The following COBLL1 variants were observed in gnomAD, a reference collection of about 807,000 sequenced individuals.
The protein encoded by COBLL1 is cordon-bleu protein-like 1.
COBLL1 carries 50 observed loss-of-function variants against 94.8 expected under a neutral mutation model. The observed-to-expected ratio is 0.53, with a 90% confidence interval of 0.42 to 0.67. The LOEUF is 0.67. Among genes scored for constraint, COBLL1 ranks in the 30% least tolerant of loss-of-function variants. COBLL1 has a pLI of 0.00. For synonymous variants in COBLL1, 448 were observed against 473.8 expected (o/e 0.95, Z 0.71); for missense variants, 1,362 against 1,348.7 (o/e 1.01, Z -0.15).
chr2:164,716,328 A>G (rs1685169959), intron 7 of COBLL1, among the ~76,000 whole-genome samples: 1 of 152,206 alleles, frequency 6.6e-6, no homozygotes, highest in Non-Finnish European at 1.5e-5. Flanking sequence ...ATGATCTATT[A>G]TATGTCTTGT....
intron 1 of COBLL1, among the ~76,000 whole-genome samples, chr2:164,672,192 C>T (rs147352979): frequency 6.6e-6 from 1 of 152,262 alleles, no homozygotes; most frequent in African/African-American, 2.4e-5. Flanking sequence ...GCTATTTTTG[C>T]ACTTTCCCTC....
At chr2:164,658,512 C>T (rs905003155) in intron 2 of COBLL1, among the ~76,000 whole-genome samples, 2 of 152,122 alleles carry the variant, frequency 1.3e-5, no homozygotes, top group Non-Finnish European at 2.9e-5. Flanking sequence ...AAGAGACAAA[C>T]TTAACAAGGA....
chr2:164,754,462 G>A (rs1037599056), intron 2 of COBLL1, among the ~76,000 whole-genome samples: 1 of 152,164 alleles, frequency 6.6e-6, no homozygotes, highest in African/African-American at 2.4e-5. Context: ...TGCCCTATGG[G>A]GAGTCCCATG....
At chr2:164,722,950 T>C (rs1685532927) in intron 5 of COBLL1, 1 of 152,520 alleles carries the variant, frequency 6.6e-6, no homozygotes, top group South Asian at 2.1e-4. Context: ...TGAAATATCT[T>C]ATTCTACAAA....
At chr2:164,780,978 G>A (rs570286360) in intron 2 of COBLL1, among the ~76,000 whole-genome samples, 6 of 152,244 alleles carry the variant, frequency 3.9e-5, no homozygotes, top group African/African-American at 7.2e-5. Flanking sequence ...TCTCCTGGGC[G>A]TTTCCTTATA....
chr2:164,835,228 C>T (rs888588259), intron 2 of COBLL1, among the ~76,000 whole-genome samples: 1 of 152,150 alleles, frequency 6.6e-6, no homozygotes, highest in Admixed American at 6.5e-5. Context: ...ATGTTCATAG[C>T]AACAGCACTA....
At chr2:164,667,041 T>A (rs1379811823) in intron 1 of COBLL1, among the ~76,000 whole-genome samples, 1 of 152,160 alleles carries the variant, frequency 6.6e-6, no homozygotes, top group Admixed American at 6.5e-5. Context: ...AGAATAACTA[T>A]GTAAGGTATA....
Position 164,695,066 on chromosome 2 carries a change from T to C in COBLL1, c.2326A>G (p.Thr776Ala). Residue 776 changes from threonine (T) to alanine (A), a missense_variant, in exon 12 of 14, where the codon ACT becomes GCT. Thr to Ala is a moderately conservative substitution (Grantham distance 58, BLOSUM62 0). Coordinates refer to ENST00000652658, the MANE Select transcript of COBLL1 (RefSeq NM_001365672.2). ...KKHTHENVKE[T>A]AIQTEDSAIS... ...GCAGAATCTTCTGTTTGGATGGCAG[T>C]TTCTTTCACATTCTCATGAGTGTGC... 6.2e-7 allele frequency: 1 copy of C among 1,613,880 alleles called. No homozygotes were observed. The highest frequency in any genetic ancestry group is 8.5e-7 in the Non-Finnish European group (1 of 1,179,934).
intron 2 of COBLL1, among the ~76,000 whole-genome samples, chr2:164,756,497 G>A (rs770286309): frequency 4.0e-5 from 6 of 151,896 alleles, no homozygotes; most frequent in African/African-American, 1.5e-4. Context: ...TTAAAAAATG[G>A]CAAAATATAT....
chr2:164,740,337 T>C (rs1331146587), intron 3 of COBLL1, among the ~76,000 whole-genome samples: 1 of 152,124 alleles, frequency 6.6e-6, no homozygotes, highest in Non-Finnish European at 1.5e-5. Flanking sequence ...CACTCCAGCC[T>C]GTGTGACTGA....
In COBLL1 at chr2:164,841,723, G is replaced by A. The variant is rs757236919; in HGVS notation, c.-64C>T. 19 of 506,798 alleles carry A rather than the reference G, an allele frequency of 3.7e-5. No homozygotes were observed. The highest frequency in any genetic ancestry group is 5.9e-5 in the Non-Finnish European group (17 of 289,182). The allele number at this position is 506,798 out of a possible 1,614,324, so 31.4% of individuals were successfully genotyped here. On this transcript the variant is annotated 5_prime_UTR_variant, in exon 1 of 14. Transcript: ENST00000652658. This position sits in a 1 kb window ranked among gnomAD's most constrained non-coding sequence, Gnocchi z 5.5. ...CAAGGCTCCTACGTTCTTTTCCAAA[G>A]GAGACAGTAGCTCGCCTGTTCTCCC... is the stretch of plus-strand genomic sequence containing the variant.
chr2:164,692,400 AC>A lies in COBLL1; in HGVS notation c.3124-4del. On this transcript the variant is annotated splice_polypyrimidine_tract_variant and splice_region_variant and intron_variant, in intron 12 of 13. Transcript: ENST00000652658. Reference sequence around the variant, plus strand: ...TCATTATGTGCAGAGTTATTTTCCTACAAAAATAAATGTGAAATATTTATAT... The same window carrying A: ...TCATTATGTGCAGAGTTATTTTCCTAAAAAATAAATGTGAAATATTTATAT... 1 of 1,585,308 alleles carries A rather than the reference AC, an allele frequency of 6.3e-7. No individual in the cohort carries two copies. Among genetic ancestry groups the A allele is most frequent in the Non-Finnish European group, 8.6e-7 (1 of 1,168,806 alleles).
At position 164,829,686 on chromosome 2, in the gene COBLL1, G is replaced by A. The variant is rs193002149; in HGVS notation, c.41+11470C>T. 2.6e-5 allele frequency among the ~76,000 whole-genome samples: 4 copies of A among 152,194 alleles called. 1 individual carries two copies. The highest frequency in any genetic ancestry group is 2.6e-4 in the Admixed American group (4 of 15,284). ...TTAAATACAAATGAAATATCAAATT[G>A]TATATGAACAGGGGGTATTACCCCA... On this transcript the variant is annotated intron_variant, in intron 2 of 13. Coordinates refer to ENST00000652658, the MANE Select transcript of COBLL1 (RefSeq NM_001365672.2).
At chr2:164,790,392 C>A (rs941077344) in intron 2 of COBLL1, among the ~76,000 whole-genome samples, 3 of 152,148 alleles carry the variant, frequency 2.0e-5, no homozygotes, top group African/African-American at 7.2e-5. Flanking sequence ...CATTATCCCA[C>A]ATGATTTGTT....
rs933260708 is a variant in COBLL1 at position 164,813,928 on chromosome 2, G to C, written c.41+27228C>G. Reference sequence around the variant, plus strand: ...TTGTAATTTACATTTTATAAGCTAGGGGACAGAGGCTGTGAGAATCAAGTA... The same window carrying C: ...TTGTAATTTACATTTTATAAGCTAGCGGACAGAGGCTGTGAGAATCAAGTA... On this transcript the variant is annotated intron_variant, in intron 2 of 13. Coordinates refer to ENST00000652658, the MANE Select transcript of COBLL1 (RefSeq NM_001365672.2). Among the ~76,000 whole-genome samples the C allele has an allele frequency of 3.9e-5, 6 of 152,098 alleles. No homozygotes were observed. The East Asian group carries it at 9.6e-4, about 24-fold the overall frequency.
chr2:164,719,160 T>C (rs1397461057), intron 7 of COBLL1, among the ~76,000 whole-genome samples: 4 of 151,780 alleles, frequency 2.6e-5, no homozygotes, highest in Admixed American at 2.0e-4. Flanking sequence ...AAAGACATCA[T>C]GAAGGGAGAC....
chr2:164,809,189 G>A (rs1371008582), intron 2 of COBLL1, among the ~76,000 whole-genome samples: 3 of 151,894 alleles, frequency 2.0e-5, no homozygotes, highest in Non-Finnish European at 4.4e-5. Flanking sequence ...ATCTGTTCTC[G>A]CCCTTCAATA....
intron 2 of COBLL1, among the ~76,000 whole-genome samples, chr2:164,663,127 A>G (rs1471461288): frequency 6.6e-6 from 1 of 152,162 alleles, no homozygotes; most frequent in East Asian, 1.9e-4. Flanking sequence ...GTTTTGTTTT[A>G]TCATGTTTTA....
chr2:164,721,407 T>C (rs1408129729), intron 7 of COBLL1, among the ~76,000 whole-genome samples: 1 of 152,222 alleles, frequency 6.6e-6, no homozygotes, highest in African/African-American at 2.4e-5. Context: ...TCATGAAAAG[T>C]AGTTTGCAAA....
Sources: allele counts gnomAD v4.1 joint callset (sites outside exome capture counted in the v4.1 genomes callset), GRCh38; gene constraint gnomAD v4.1.1; non-coding constraint Gnocchi (gnomAD v3.1); transcripts MANE v1.5; gene names NCBI Gene and HGNC (gene_info 2026-07-23, HGNC 2026-07-21).